Variants in CLVS1 observed in about 807,000 individuals in gnomAD.
CLVS1 encodes clavesin-1.
Under a neutral mutation model 33.1 loss-of-function variants are expected in CLVS1, and 10 were observed. The observed-to-expected ratio is 0.30, with a 90% confidence interval of 0.19 to 0.51. The LOEUF (loss-of-function observed/expected upper bound fraction) is 0.51. Ranked by LOEUF, CLVS1 falls within the 20% of genes least tolerant of loss-of-function variation. The probability of loss-of-function intolerance (pLI) is 0.97; values close to 1 mark genes in which losing one functional copy is unlikely to be tolerated. For missense variants in CLVS1, 343 were observed against 433.4 expected, an observed-to-expected ratio of 0.79 and a Z score of 1.85; for synonymous variants, 163 against 166.1, an observed-to-expected ratio of 0.98 and a Z score of 0.14.
At chr8:61,136,906 T>C (rs1162087630) in intron 2 of CLVS1, among the ~76,000 whole-genome samples, 1 of 152,202 alleles carries the variant, frequency 6.6e-6, no homozygotes, top group African/African-American at 2.4e-5. Flanking sequence ...ATTGTGATGA[T>C]TGATTTAGAT....
chr8:61,234,105 G>A (rs543944842), intron 2 of CLVS1, among the ~76,000 whole-genome samples: 2 of 152,190 alleles, frequency 1.3e-5, no homozygotes, highest in African/African-American at 4.8e-5. Context: ...AAGGGTAGGA[G>A]GGTAGGGGGG....
chr8:61,139,267 A>C (rs539686903), intron 2 of CLVS1, among the ~76,000 whole-genome samples: 1 of 152,318 alleles, frequency 6.6e-6, no homozygotes, highest in South Asian at 2.1e-4. Flanking sequence ...GGGGCAGCGG[A>C]ACCGCAGGAC....
chr8:61,054,383 T>C (rs975969595), upstream of CLVS1, among the ~76,000 whole-genome samples: 1 of 151,564 alleles, frequency 6.6e-6, no homozygotes, highest in African/African-American at 2.4e-5. Context: ...GTACTGGGAG[T>C]TCCCCAGGAC....
the CLVS1 span, among the ~76,000 whole-genome samples, chr8:61,044,978 C>T: frequency 1.2e-4 from 18 of 152,166 alleles, no homozygotes; most frequent in African/African-American, 4.1e-4. Flanking sequence ...GTACAAACAA[C>T]CAAACAGATG....
chr8:60,997,641 C>T, the CLVS1 span, among the ~76,000 whole-genome samples: 1 of 152,106 alleles, frequency 6.6e-6, no homozygotes, highest in Admixed American at 6.5e-5. Flanking sequence ...GGAATGAGTC[C>T]CTGGCTGCCT....
intron 2 of CLVS1, among the ~76,000 whole-genome samples, chr8:61,373,046 T>C (rs1384719585): frequency 1.3e-5 from 2 of 152,216 alleles, no homozygotes; most frequent in Admixed American, 6.5e-5. Flanking sequence ...TGGGGAGTTA[T>C]GCTCCATGTT....
At chr8:61,086,956 G>C (rs943062223) in intron 1 of CLVS1, among the ~76,000 whole-genome samples, 4 of 152,206 alleles carry the variant, frequency 2.6e-5, no homozygotes, top group Admixed American at 6.5e-5. Flanking sequence ...GATAGTTGCT[G>C]TGCTGGTATA....
chr8:61,284,469 C>T (rs1809737128), upstream of CLVS1, among the ~76,000 whole-genome samples: 1 of 152,164 alleles, frequency 6.6e-6, no homozygotes, highest in Non-Finnish European at 1.5e-5. Flanking sequence ...CGTATCAAAA[C>T]ATCATATTGT....
intron 1 of CLVS1, among the ~76,000 whole-genome samples, chr8:61,129,481 C>A (rs1806044973): frequency 6.6e-6 from 1 of 152,216 alleles, no homozygotes; most frequent in South Asian, 2.1e-4. Context: ...GTAGGAGTAT[C>A]TTTCTTAGTC....
chr8:61,333,401 AGAG>A (rs1811672329), intron 2 of CLVS1, among the ~76,000 whole-genome samples: 1 of 152,232 alleles, frequency 6.6e-6, no homozygotes, highest in Admixed American at 6.5e-5. Flanking sequence ...CAAGAATAGT[AGAG>A]GATGTGACTA....
intron 1 of CLVS1, among the ~76,000 whole-genome samples, chr8:61,296,164 C>T (rs763664766): frequency 6.6e-6 from 1 of 152,106 alleles, no homozygotes; most frequent in African/African-American, 2.4e-5. Flanking sequence ...ATTCAGACTT[C>T]TGGTATGAAG....
At chr8:61,196,921 A>G (rs1807625042) in intron 2 of CLVS1, among the ~76,000 whole-genome samples, 2 of 152,176 alleles carry the variant, frequency 1.3e-5, no homozygotes, top group Admixed American at 6.5e-5. Flanking sequence ...TACCACTTTT[A>G]AAAATCACTT....
intron 3 of CLVS1, among the ~76,000 whole-genome samples, chr8:61,379,838 G>A (rs987539796): frequency 1.3e-5 from 2 of 152,154 alleles, no homozygotes; most frequent in Non-Finnish European, 2.9e-5. Context: ...ATGAGCATTT[G>A]CAGTTTGACT....
chr8:61,240,756 C>T (rs1312817965), intron 2 of CLVS1, among the ~76,000 whole-genome samples: 2 of 151,944 alleles, frequency 1.3e-5, no homozygotes, highest in Non-Finnish European at 2.9e-5. Flanking sequence ...CCTGTATGCT[C>T]CCACCCCCAT....
intron 1 of CLVS1, among the ~76,000 whole-genome samples, chr8:61,292,883 T>A (rs993806699): frequency 2.0e-5 from 3 of 152,194 alleles, no homozygotes; most frequent in Non-Finnish European, 4.4e-5. Context: ...CAAAGAAAAC[T>A]GCAAAATGGT....
upstream of CLVS1, chr8:61,057,086 G>A (rs932212987): frequency 2.6e-5 from 4 of 152,118 alleles, no homozygotes; most frequent in Non-Finnish European, 4.4e-5. Flanking sequence ...CCAGACAAAG[G>A]CACAATTACC....
the CLVS1 span, among the ~76,000 whole-genome samples, chr8:60,970,747 A>G: frequency 6.6e-6 from 1 of 152,148 alleles, no homozygotes; most frequent in Non-Finnish European, 1.5e-5. Flanking sequence ...TTTCATGATG[A>G]TGTGACTTGG....
chr8:61,275,407 T>A (rs116919702), intron 2 of CLVS1, among the ~76,000 whole-genome samples: 1 of 152,326 alleles, frequency 6.6e-6, no homozygotes, highest in Non-Finnish European at 1.5e-5. Flanking sequence ...TAGCAATATG[T>A]TTCACACACA....
At chr8:61,202,129 T>A (rs1431727591) in intron 2 of CLVS1, among the ~76,000 whole-genome samples, 2 of 152,226 alleles carry the variant, frequency 1.3e-5, no homozygotes, top group African/African-American at 4.8e-5. Context: ...AGGAACAGGT[T>A]ATGTCCTAAT....
Sources: gnomAD v4.1 joint callset for allele counts (sites outside exome capture counted in the v4.1 genomes callset) on GRCh38, gnomAD v4.1.1 for gene constraint, MANE v1.5 for transcripts, NCBI Gene and HGNC (gene_info 2026-07-23, HGNC 2026-07-21) for gene names.